Variants in ACSS3 observed in about 807,000 individuals in gnomAD.
The protein encoded by ACSS3 is acyl-CoA synthetase short chain family member 3.
A neutral mutation model predicts 84.2 loss-of-function variants in ACSS3; 64 were observed. The ratio of observed to expected loss-of-function variants is 0.76; its 90% CI spans 0.62 to 0.94. The LOEUF (loss-of-function observed/expected upper bound fraction) is 0.94. ACSS3 is among the 40% of genes least tolerant of loss of function. ACSS3 has a pLI of 0.00. For missense variants in ACSS3, 815 were observed against 867.6 expected (o/e 0.94, Z 0.76); for synonymous variants, 317 against 310.1 (o/e 1.02, Z -0.23).
chr12:81,096,489 A>T (rs1882058325), intron 1 of ACSS3, among the ~76,000 whole-genome samples: 1 of 152,156 alleles, frequency 6.6e-6, no homozygotes, highest in South Asian at 2.1e-4. Context: ...TGTTATTATT[A>T]TACTTTAAGT....
intron 2 of ACSS3, among the ~76,000 whole-genome samples, chr12:81,132,696 A>G (rs1202599903): frequency 6.6e-6 from 1 of 152,134 alleles, no homozygotes; most frequent in Non-Finnish European, 1.5e-5. Flanking sequence ...ATTGGTGGGC[A>G]TCTTCCATCA....
intron 15 of ACSS3, among the ~76,000 whole-genome samples, chr12:81,254,355 C>T (rs578138048): frequency 1.3e-5 from 2 of 152,210 alleles, no homozygotes; most frequent in East Asian, 3.9e-4. Flanking sequence ...AATGAGAAAG[C>T]AAAATAATTG....
At chr12:81,240,546 T>C (rs527317207) in intron 13 of ACSS3, among the ~76,000 whole-genome samples, 1 of 152,104 alleles carries the variant, frequency 6.6e-6, no homozygotes, top group South Asian at 2.1e-4. Context: ...TATTAAGTGA[T>C]CATTAATATA....
chr12:81,161,495 A>G (rs1053324149), intron 7 of ACSS3, among the ~76,000 whole-genome samples: 1 of 152,226 alleles, frequency 6.6e-6, no homozygotes, highest in African/African-American at 2.4e-5. Flanking sequence ...TATCATTGCT[A>G]GTTTTTCAAC....
At chr12:81,208,172 G>C (rs959478740) in intron 9 of ACSS3, among the ~76,000 whole-genome samples, 12 of 152,078 alleles carry the variant, frequency 7.9e-5, no homozygotes, top group African/African-American at 2.9e-4. Context: ...TATGCCCATC[G>C]TGATGCTGTG....
chr12:81,210,972 T>A (rs2032567179), intron 9 of ACSS3, among the ~76,000 whole-genome samples: 1 of 152,122 alleles, frequency 6.6e-6, no homozygotes, highest in Non-Finnish European at 1.5e-5. Context: ...TTTAATTAAT[T>A]AATTTTCCAT....
chr12:81,152,723 T>A (rs1359265055), intron 7 of ACSS3, among the ~76,000 whole-genome samples: 1 of 152,188 alleles, frequency 6.6e-6, no homozygotes, highest in African/African-American at 2.4e-5. Flanking sequence ...CTGTAGAAGA[T>A]CAAAGTCTTG....
chr12:81,173,667 G>A (rs1300944928), intron 7 of ACSS3, among the ~76,000 whole-genome samples: 1 of 151,568 alleles, frequency 6.6e-6, no homozygotes, highest in Non-Finnish European at 1.5e-5. Flanking sequence ...TCATTTTTTT[G>A]TTGTTCCCTA....
intron 3 of ACSS3, among the ~76,000 whole-genome samples, chr12:81,138,142 T>C (rs1885906307): frequency 6.6e-6 from 1 of 152,236 alleles, no homozygotes; most frequent in African/African-American, 2.4e-5. Flanking sequence ...TGCAATACTT[T>C]GGGTCAATTA....
chr12:81,242,633 A>C (rs1247391233), intron 13 of ACSS3, among the ~76,000 whole-genome samples: 1 of 146,212 alleles, frequency 6.8e-6, no homozygotes, highest in East Asian at 2.0e-4. Context: ...AACTGAATCC[A>C]GCAGCACATC....
At chr12:81,198,243 A>T (rs2031930409) in intron 8 of ACSS3, among the ~76,000 whole-genome samples, 1 of 152,066 alleles carries the variant, frequency 6.6e-6, no homozygotes, top group African/African-American at 2.4e-5. Context: ...ATGTACTTTG[A>T]TTGGTCTTGG....
In ACSS3 at chr12:81,145,286, A is replaced by G. The variant is rs147563428; in HGVS notation, c.921+2039A>G. 3.9e-3 allele frequency among the ~76,000 whole-genome samples: 594 copies of G among 152,052 alleles called. 7 individuals are homozygous for G. Among genetic ancestry groups the G allele is most frequent in the African/African-American group, 0.014 (579 of 41,462 alleles). ...AAATGGAAGATCCTTTGATATTTCT[A>G]TCATCCTCATTTTCCTCCTAATGTA... On this transcript the variant is annotated intron_variant, in intron 5 of 15. Transcript: ENST00000548058.
intron 8 of ACSS3, among the ~76,000 whole-genome samples, chr12:81,193,274 A>C (rs1168148957): frequency 2.6e-5 from 4 of 152,162 alleles, no homozygotes; most frequent in Non-Finnish European, 4.4e-5. Context: ...TGTTGGCACA[A>C]GTGAAGAGTA....
At chr12:81,199,564 T>G in intron 9 of ACSS3, 120 bp downstream of exon 9, 2 of 1,459,000 alleles carry the variant, frequency 1.4e-6, no homozygotes, top group Non-Finnish European at 1.9e-6. Flanking sequence ...ATTCGAGTGG[T>G]TCAGGTTTCA....
chr12:81,154,808 AG>A (rs759852777), intron 7 of ACSS3, among the ~76,000 whole-genome samples: 5 of 152,166 alleles, frequency 3.3e-5, no homozygotes, highest in Non-Finnish European at 5.9e-5. Context: ...CCATTCCTTT[AG>A]GTGATCCTTT....
At chr12:81,103,364 G>A (rs965934298) in intron 1 of ACSS3, among the ~76,000 whole-genome samples, 11 of 152,142 alleles carry the variant, frequency 7.2e-5, no homozygotes, top group Non-Finnish European at 1.2e-4. Flanking sequence ...ACCTGCCCAC[G>A]AATTTAGAAG....
chr12:81,233,523 G>A (rs780164023), intron 13 of ACSS3, 52 bp downstream of exon 13: 1 of 1,595,154 alleles, frequency 6.3e-7, no homozygotes, highest in Non-Finnish European at 8.6e-7. Flanking sequence ...GCACAGAGCT[G>A]CACTGAAGAC....
intron 9 of ACSS3, among the ~76,000 whole-genome samples, chr12:81,203,381 GC>G (rs753887248): frequency 8.0e-4 from 122 of 152,244 alleles, no homozygotes; most frequent in Non-Finnish European, 1.5e-3. Flanking sequence ...CAAACATAAT[GC>G]TTTACCAGAT....
chr12:81,132,707 A>G (rs1330960780), intron 2 of ACSS3, among the ~76,000 whole-genome samples: 1 of 152,128 alleles, frequency 6.6e-6, no homozygotes, highest in Non-Finnish European at 1.5e-5. Context: ...TCTTCCATCA[A>G]CACTGTAAAG....
Sources: gnomAD v4.1 joint callset for allele counts (sites outside exome capture counted in the v4.1 genomes callset) on GRCh38, gnomAD v4.1.1 for gene constraint, MANE v1.5 for transcripts, NCBI Gene and HGNC (gene_info 2026-07-23, HGNC 2026-07-21) for gene names.